TBC1D9: variants seen among roughly 807,000 people sequenced by gnomAD.
The protein encoded by TBC1D9 is TBC1 domain family member 9A.
Under a neutral mutation model 132.0 loss-of-function variants are expected in TBC1D9, and 63 were observed. The observed-to-expected ratio is 0.48, with a 90% confidence interval of 0.39 to 0.59. The LOEUF (loss-of-function observed/expected upper bound fraction) is 0.59, where lower values mean the gene tolerates loss of function less well. Ranked by LOEUF, TBC1D9 falls within the 20% of genes least tolerant of loss-of-function variation. The pLI is 0.00. For missense variants in TBC1D9, 1,261 were observed against 1,592.7 expected, an observed-to-expected ratio of 0.79 and a Z score of 3.54; for synonymous variants, 610 against 609.9, an observed-to-expected ratio of 1.00 and a Z score of 0.00.
At chr4:140,699,771 T>G (rs1738034337) in intron 2 of TBC1D9, among the ~76,000 whole-genome samples, 1 of 152,174 alleles carries the variant, frequency 6.6e-6, no homozygotes, top group Non-Finnish European at 1.5e-5. Flanking sequence ...GGACTTTACT[T>G]ACAAATAATG....
intron 1 of TBC1D9, among the ~76,000 whole-genome samples, chr4:140,704,028 A>C (rs1738112034): frequency 6.6e-6 from 1 of 152,228 alleles, no homozygotes; most frequent in South Asian, 2.1e-4. Flanking sequence ...TAAAATGCTG[A>C]AACTACTACA....
At chr4:140,738,475 C>T (rs1738710689) in intron 1 of TBC1D9, among the ~76,000 whole-genome samples, 1 of 152,162 alleles carries the variant, frequency 6.6e-6, no homozygotes, top group Non-Finnish European at 1.5e-5. Flanking sequence ...TCCCCTCCTT[C>T]TTGCTCTTTC....
intron 1 of TBC1D9, among the ~76,000 whole-genome samples, chr4:140,754,614 C>CAAAA (rs34471976): frequency 0.028 from 645 of 23,250 alleles, 112 homozygotes; most frequent in African/African-American, 0.052. Flanking sequence ...GACTCTGTCT[C>CAAAA]AAAAAAAAAA....
Position 140,676,883 on chromosome 4 carries a change from C to T in TBC1D9, c.1059+11G>A, listed in dbSNP as rs969312584. The T allele has an allele frequency of 1.9e-6, 3 of 1,611,154 alleles. No individual in the cohort carries two copies. The African/African-American group carries it at 4.0e-5, about 22-fold the overall frequency. ...TGAAACTTAAAATATCAATTTTTATCAGATACTTACCTCACGGAGCGGGAT... is the reference window on the plus strand; with the variant it reads ...TGAAACTTAAAATATCAATTTTTATTAGATACTTACCTCACGGAGCGGGAT... On this transcript the variant is annotated intron_variant, in intron 6 of 20. Coordinates refer to ENST00000442267, the MANE Select transcript of TBC1D9 (RefSeq NM_015130.3).
At chr4:140,703,226 G>A (rs1235439520) in intron 1 of TBC1D9, among the ~76,000 whole-genome samples, 2 of 152,228 alleles carry the variant, frequency 1.3e-5, no homozygotes, top group Admixed American at 6.5e-5. Context: ...GCAAAGCTCA[G>A]TGCCATATTG....
In TBC1D9 at chr4:140,698,362, C is replaced by T. The variant is rs1315889089; in HGVS notation, c.241+3142G>A. 2.0e-5 allele frequency among the ~76,000 whole-genome samples: 3 copies of T among 152,176 alleles called. No individual in the cohort carries two copies. The East Asian group carries it at 5.8e-4, about 29-fold the overall frequency. On this transcript the variant is annotated intron_variant, in intron 2 of 20. Coordinates refer to ENST00000442267, the MANE Select transcript of TBC1D9 (RefSeq NM_015130.3). Reference sequence around the variant, plus strand: ...AGATGGGTTTTCCCGCAGCTCTAAACCTTGAAGCCATGCCTTCGTTCATGG... The same window carrying T: ...AGATGGGTTTTCCCGCAGCTCTAAATCTTGAAGCCATGCCTTCGTTCATGG...
intron 1 of TBC1D9, among the ~76,000 whole-genome samples, chr4:140,716,329 A>C (rs893630942): frequency 6.6e-6 from 1 of 152,104 alleles, no homozygotes; most frequent in Non-Finnish European, 1.5e-5. Flanking sequence ...GTCTACAAAA[A>C]GTTTTTTAAA....
chr4:140,633,744 CTAA>C (rs1477130507), intron 16 of TBC1D9, among the ~76,000 whole-genome samples: 3 of 151,990 alleles, frequency 2.0e-5, no homozygotes, highest in African/African-American at 7.3e-5. Context: ...TGTGAATTCT[CTAA>C]TAATGTACTT....
At chr4:140,667,066 G>A (rs1355056904) in intron 9 of TBC1D9, among the ~76,000 whole-genome samples, 2 of 152,220 alleles carry the variant, frequency 1.3e-5, no homozygotes, top group African/African-American at 4.8e-5. Flanking sequence ...AGCGGGTACA[G>A]AGTTCAGGTC....
chr4:140,669,368 T>G (rs566570341), intron 8 of TBC1D9, among the ~76,000 whole-genome samples: 1 of 152,324 alleles, frequency 6.6e-6, no homozygotes, highest in South Asian at 2.1e-4. Flanking sequence ...AAATATGGGC[T>G]GAGAAATCGG....
In TBC1D9 at chr4:140,706,782, C is replaced by A. The variant is rs543210207; in HGVS notation, c.131-5168G>T. Among the ~76,000 whole-genome samples, 7 of 152,176 alleles carry A rather than the reference C, an allele frequency of 4.6e-5. No individual in the cohort carries two copies. In the East Asian group the frequency reaches 1.3e-3, roughly 29 times the overall value. ...TACACTGCAGCTTATTTTTTTCAAT[C>A]AATATGTTTGTAAAATTTATCCAGA... On this transcript the variant is annotated intron_variant, in intron 1 of 20. Transcript: ENST00000442267. The surrounding 1 kb of genome is among the most constrained non-coding windows in gnomAD (Gnocchi z 4.0).
intron 2 of TBC1D9, among the ~76,000 whole-genome samples, chr4:140,695,039 A>G (rs1395779647): frequency 6.6e-6 from 1 of 152,228 alleles, no homozygotes; most frequent in Non-Finnish European, 1.5e-5. Flanking sequence ...TGCAGAAGGC[A>G]ACTAAATTAC....
intron 2 of TBC1D9, among the ~76,000 whole-genome samples, chr4:140,696,455 C>CAAAAAAAAAA (rs35713619): frequency 4.9e-5 from 3 of 61,576 alleles, no homozygotes; most frequent in East Asian, 6.3e-4. Flanking sequence ...GAGTCCGTCT[C>CAAAAAAAAAA]AAAAAAAAAA....
intron 9 of TBC1D9, among the ~76,000 whole-genome samples, chr4:140,662,428 G>T (rs1047996740): frequency 5.9e-5 from 9 of 152,116 alleles, no homozygotes; most frequent in Non-Finnish European, 7.4e-5. Context: ...AGGTGGGGAG[G>T]TCATCATAAC....
At chr4:140,634,677 A>G (rs943766095) in intron 15 of TBC1D9, among the ~76,000 whole-genome samples, 1 of 152,172 alleles carries the variant, frequency 6.6e-6, no homozygotes, top group Admixed American at 6.5e-5. Flanking sequence ...CAGAATCATG[A>G]TGAGATTTTG....
At chr4:140,689,795 T>C (rs1276064983) in intron 2 of TBC1D9, among the ~76,000 whole-genome samples, 1 of 126,766 alleles carries the variant, frequency 7.9e-6, no homozygotes, top group Non-Finnish European at 1.6e-5. Flanking sequence ...TTGCCCACAC[T>C]ACAGTACAGT....
At chr4:140,692,790 C>T (rs567825990) in intron 2 of TBC1D9, among the ~76,000 whole-genome samples, 1 of 152,208 alleles carries the variant, frequency 6.6e-6, no homozygotes, top group Admixed American at 6.5e-5. Flanking sequence ...GGGGCCAAGG[C>T]AGGTGGATCA....
At position 140,622,665 on chromosome 4, in the gene TBC1D9, C is replaced by T; in HGVS notation, c.3331G>A (p.Glu1111Lys). The change falls in exon 21 of 21, where the codon GAG becomes AAG. Residue 1111 changes from glutamate to lysine, a missense_variant. Glu to Lys is a moderately conservative substitution (Grantham distance 56, BLOSUM62 1). Coordinates refer to ENST00000442267, the MANE Select transcript of TBC1D9 (RefSeq NM_015130.3). Reference sequence around the variant, plus strand: ...GGGGCCAGGCTGGCCGGCAGGGGCTCAACAGACTCCACCACGTAAGGCTGG... The same window carrying T: ...GGGGCCAGGCTGGCCGGCAGGGGCTTAACAGACTCCACCACGTAAGGCTGG... ...PGQPYVVESV[E>K]PLPASLAPDS... The T allele has an allele frequency of 6.2e-7, 1 of 1,610,456 alleles. No individual in the cohort carries two copies. Among genetic ancestry groups the T allele is most frequent in the Non-Finnish European group, 8.5e-7 (1 of 1,178,200 alleles).
intron 1 of TBC1D9, among the ~76,000 whole-genome samples, chr4:140,728,658 C>A (rs943217338): frequency 6.6e-6 from 1 of 151,394 alleles, no homozygotes; most frequent in Admixed American, 6.6e-5. Flanking sequence ...CGTGCCACCA[C>A]GCTCGGCTTT....
Sources: gnomAD v4.1 joint callset for allele counts (sites outside exome capture counted in the v4.1 genomes callset) on GRCh38, gnomAD v4.1.1 for gene constraint, Gnocchi (gnomAD v3.1) non-coding constraint, MANE v1.5 for transcripts, NCBI Gene and HGNC (gene_info 2026-07-23, HGNC 2026-07-21) for gene names.